The following LONRF1 variants were observed in gnomAD, a reference collection of about 807,000 sequenced individuals.
The protein encoded by LONRF1 is LON peptidase N-terminal domain and ring finger 1.
In LONRF1, 37 loss-of-function variants were observed where a neutral mutation model predicts 85.8. The ratio of observed to expected loss-of-function variants is 0.43; its 90% CI spans 0.33 to 0.57. The LOEUF (loss-of-function observed/expected upper bound fraction) is 0.57. Ranked by LOEUF, LONRF1 falls within the 20% of genes least tolerant of loss-of-function variation. LONRF1 has a pLI of 0.04. For missense variants in LONRF1, 1,036 were observed against 978.0 expected (o/e 1.06, Z -0.79); for synonymous variants, 517 against 390.1 (o/e 1.33, Z -3.83).
intron 4 of LONRF1, among the ~76,000 whole-genome samples, chr8:12,737,618 T>A (rs1445375730): frequency 6.6e-6 from 1 of 151,990 alleles, no homozygotes; most frequent in Non-Finnish European, 1.5e-5. Flanking sequence ...GGAACCAATC[T>A]CCCACAGATA....
intron 1 of LONRF1, among the ~76,000 whole-genome samples, chr8:12,745,658 T>C (rs1420989387): frequency 6.6e-6 from 1 of 152,230 alleles, no homozygotes; most frequent in African/African-American, 2.4e-5. Flanking sequence ...ACTCCATTAC[T>C]GCAGGTATCT....
chr8:12,749,123 C>T (rs1055341240), intron 1 of LONRF1, among the ~76,000 whole-genome samples: 1 of 152,170 alleles, frequency 6.6e-6, no homozygotes, highest in African/African-American at 2.4e-5. Context: ...GACATACATG[C>T]TCCATCTATA....
At chr8:12,726,307 A>G (rs886516683) in intron 10 of LONRF1, among the ~76,000 whole-genome samples, 4 of 151,920 alleles carry the variant, frequency 2.6e-5, no homozygotes, top group Admixed American at 1.3e-4. Flanking sequence ...TGTAGATGAC[A>G]TGACAGAAAG....
intron 1 of LONRF1, chr8:12,754,389 T>G: frequency 4.2e-6 from 1 of 237,222 alleles, no homozygotes; most frequent in Non-Finnish European, 8.1e-6. Flanking sequence ...GCGGCCTCGG[T>G]CCAGGTCACC....
intron 10 of LONRF1, among the ~76,000 whole-genome samples, chr8:12,728,037 CTA>C (rs1047174338): frequency 2.2e-4 from 33 of 152,276 alleles, no homozygotes; most frequent in African/African-American, 7.7e-4. Context: ...TGTGAAAATT[CTA>C]TGAGTTAATG....
In LONRF1 at chr8:12,738,004, G is replaced by A; in HGVS notation, c.1104C>T (p.Ser368=). 1 of 1,606,336 alleles carries A rather than the reference G, an allele frequency of 6.2e-7. No individual in the cohort carries two copies. The highest frequency in any genetic ancestry group is 8.5e-7 in the Non-Finnish European group (1 of 1,177,278). Reference sequence around the variant, plus strand: ...TTGTCTCACCCCGTACCTGCTTTGGGCTAGGTTCATTGAGAGACTGAGACT... The same window carrying A: ...TTGTCTCACCCCGTACCTGCTTTGGACTAGGTTCATTGAGAGACTGAGACT... The part of the protein sequence containing the change: ...MEESQSLNEP[S]PKQSEEIPEV... The change falls in exon 4 of 12, where the codon AGC becomes AGT. Residue 368 remains serine (S), a synonymous_variant. Transcript: ENST00000398246.
intron 1 of LONRF1, chr8:12,754,066 GGGCCTCCCGGGGCCGGGCGCCCGCGCGGA>G (rs1474641627): frequency 6.6e-6 from 1 of 152,208 alleles, no homozygotes; most frequent in Non-Finnish European, 1.5e-5. Flanking sequence ...GCGGCCTGCA[GGGCCTCCCGGGGCCGGGCGCCCGCGCGGA>G]GCTCCCGCCA....
chr8:12,737,009 A>G lies in LONRF1; in HGVS notation c.1245T>C (p.Pro415=). ...EDCLKRVSSE[P]VLSVQEKGVL... ...CACCTTTTTCTTGAACTGACAGAAC[A>G]GGTTCTGAGGACACTCTTTTTAAAC... Residue 415 remains proline (P), a synonymous_variant, in exon 5 of 12, where the codon CCT becomes CCC. Coordinates refer to ENST00000398246, the MANE Select transcript of LONRF1 (RefSeq NM_152271.5). The G allele has an allele frequency of 1.2e-6, 2 of 1,613,672 alleles. No homozygotes were observed. The highest frequency in any genetic ancestry group is 1.7e-6 in the Non-Finnish European group (2 of 1,179,716).
At chr8:12,743,627 G>A (rs892298262) in intron 1 of LONRF1, among the ~76,000 whole-genome samples, 1 of 152,058 alleles carries the variant, frequency 6.6e-6, no homozygotes, top group Admixed American at 6.6e-5. Flanking sequence ...TAGATGTTTA[G>A]ATTTGCCTTT....
chr8:12,737,459 G>A (rs1798764323), intron 4 of LONRF1: 2 of 455,156 alleles, frequency 4.4e-6, no homozygotes, highest in East Asian at 5.2e-5. Flanking sequence ...TATTTACATA[G>A]TATTTACATT....
intron 10 of LONRF1, among the ~76,000 whole-genome samples, chr8:12,726,341 C>T (rs550948889): frequency 6.6e-6 from 1 of 152,296 alleles, no homozygotes; most frequent in South Asian, 2.1e-4. Context: ...AGTCCAGGCA[C>T]AGTTACATCT....
chr8:12,755,203 G>T lies in LONRF1; in HGVS notation c.218C>A (p.Ala73Glu). 7.8e-7 allele frequency: 1 copy of T among 1,281,094 alleles called. No individual in the cohort carries two copies. Among genetic ancestry groups the T allele is most frequent in the Non-Finnish European group, 9.8e-7 (1 of 1,020,356 alleles). 79.4% of individuals were successfully genotyped at this position (1,281,094 alleles called of 1,614,324 possible). ...HLKGALEAFA[A>E]ALRRGAPARP... Reference sequence around the variant, plus strand: ...GGCCGGGGCCCCGCGGCGCAGCGCCGCCGCGAACGCCTCCAGCGCGCCCTT... The same window carrying T: ...GGCCGGGGCCCCGCGGCGCAGCGCCTCCGCGAACGCCTCCAGCGCGCCCTT... Residue 73 changes from alanine to glutamate, a missense_variant, in exon 1 of 12, where the codon GCG (alanine) becomes GAG (glutamate). Ala to Glu is a moderately radical substitution (Grantham distance 107). This residue lies in a region of LONRF1 where 742 missense variants were observed against 614.4 expected (regional missense o/e 1.21). Transcript: ENST00000398246.
rs6530970 is a variant in LONRF1, at chr8:12,753,267, T to G, written c.721+1433A>C. ...AAACAACACAAGATCTTGACATTAGTTCAATATGACTAAGCACTTGGGACA... is the reference window on the plus strand; with the variant it reads ...AAACAACACAAGATCTTGACATTAGGTCAATATGACTAAGCACTTGGGACA... On this transcript the variant is annotated intron_variant, in intron 1 of 11. Coordinates refer to ENST00000398246, the MANE Select transcript of LONRF1 (RefSeq NM_152271.5). 8 of 152,108 alleles carry G rather than the reference T, an allele frequency of 5.3e-5. No individual in the cohort carries two copies. The East Asian group carries it at 1.2e-3, about 22-fold the overall frequency. The allele number at this position is 152,108 out of a possible 1,614,324, so 9.4% of individuals were successfully genotyped here.
chr8:12,735,801 G>A (rs990512248), intron 6 of LONRF1, among the ~76,000 whole-genome samples: 4 of 152,106 alleles, frequency 2.6e-5, no homozygotes, highest in African/African-American at 9.7e-5. Flanking sequence ...GTTAGCTTTT[G>A]TATAGCCTTT....
chr8:12,740,197 G>A (rs542234423), intron 3 of LONRF1, among the ~76,000 whole-genome samples: 2 of 152,272 alleles, frequency 1.3e-5, no homozygotes, highest in Non-Finnish European at 2.9e-5. Context: ...CCCTGAATTT[G>A]TATTAGCATA....
In LONRF1 at chr8:12,729,749, C is replaced by A. The variant is rs183411721; in HGVS notation, c.1689-417G>T. On this transcript the variant is annotated intron_variant, in intron 8 of 11. Transcript: ENST00000398246. ...CTTAGATAACAAGAAAAAGTGAACT[C>A]CCACAACAAAGAGCAAATACTTAAA... Among the ~76,000 whole-genome samples the A allele has an allele frequency of 2.6e-3, 399 of 152,232 alleles. 3 individuals are homozygous for A. Among genetic ancestry groups the A allele is most frequent in the Non-Finnish European group, 4.3e-3 (295 of 67,994 alleles).
At position 12,735,941 on chromosome 8, in the gene LONRF1, A is replaced by G. The variant is rs74641455; in HGVS notation, c.1452-541T>C. On this transcript the variant is annotated intron_variant, in intron 6 of 11. Coordinates refer to ENST00000398246, the MANE Select transcript of LONRF1 (RefSeq NM_152271.5). ...GAATCCTAATGTTAGACTTAATACT[A>G]AATGTATTATTCAAACATTACAGAA... 7.7e-3 allele frequency among the ~76,000 whole-genome samples: 1,171 copies of G among 152,314 alleles called. 6 individuals carry two copies. Among genetic ancestry groups the G allele is most frequent in the Non-Finnish European group, 0.013 (902 of 68,012 alleles).
chr8:12,751,642 T>C (rs926264553), intron 1 of LONRF1, among the ~76,000 whole-genome samples: 4 of 151,548 alleles, frequency 2.6e-5, no homozygotes, highest in African/African-American at 7.3e-5. Context: ...AAAATTTTCC[T>C]TACCCAAATA....
At chr8:12,732,627 T>G (rs550884453) in intron 7 of LONRF1, among the ~76,000 whole-genome samples, 3 of 152,236 alleles carry the variant, frequency 2.0e-5, no homozygotes, top group Non-Finnish European at 4.4e-5. Context: ...CTTCAAGGTC[T>G]GACTCCAATT....
Sources: allele counts gnomAD v4.1 joint callset (sites outside exome capture counted in the v4.1 genomes callset), GRCh38; gene constraint gnomAD v4.1.1; regional missense constraint gnomAD v4.1.1; transcripts MANE v1.5; gene names NCBI Gene and HGNC (gene_info 2026-07-23, HGNC 2026-07-21).